The following TYW1 variants were observed in gnomAD, a reference collection of about 807,000 sequenced individuals.
TYW1 encodes the protein S-adenosyl-L-methionine-dependent tRNA 4-demethylwyosine synthase TYW1.
A neutral mutation model predicts 96.2 loss-of-function variants in TYW1; 46 were observed. The observed-to-expected ratio is 0.48, with a 90% CI of 0.38 to 0.61. The LOEUF is 0.61. TYW1 is among the 20% of genes least tolerant of loss of function. The probability of loss-of-function intolerance (pLI) is 0.00; values close to 1 mark genes in which losing one functional copy is unlikely to be tolerated. For synonymous variants in TYW1, 274 were observed against 323.0 expected (o/e 0.85, Z 1.63); for missense variants, 684 against 909.6 (o/e 0.75, Z 3.19).
intron 6 of TYW1, among the ~76,000 whole-genome samples, chr7:67,024,270 T>C (rs1363047993): frequency 6.6e-6 from 1 of 152,160 alleles, no homozygotes; most frequent in African/African-American, 2.4e-5. Flanking sequence ...CTTCAAGTGA[T>C]GCTCCTGCGT....
chr7:67,018,172 G>C (rs556928021), intron 6 of TYW1, 29 bp downstream of exon 6: 1 of 1,596,922 alleles, frequency 6.3e-7, no homozygotes, highest in African/African-American at 1.3e-5. Context: ...CATCTCTCGA[G>C]GCTTTCCTCT....
intron 10 of TYW1, among the ~76,000 whole-genome samples, chr7:67,073,941 G>T (rs577327213): frequency 6.6e-6 from 1 of 151,304 alleles, no homozygotes; most frequent in East Asian, 1.9e-4. Flanking sequence ...CATTAGCCGG[G>T]CGTGGTGGCG....
intron 11 of TYW1, among the ~76,000 whole-genome samples, chr7:67,088,431 G>A (rs1796613820): frequency 6.6e-6 from 1 of 152,162 alleles, no homozygotes; most frequent in Admixed American, 6.5e-5. Flanking sequence ...AAAACTGGTG[G>A]TAGTCTGTAA....
chr7:67,122,169 A>C (rs1797779052), intron 13 of TYW1, among the ~76,000 whole-genome samples: 1 of 142,338 alleles, frequency 7.0e-6, no homozygotes, highest in Admixed American at 6.9e-5. Flanking sequence ...AAGTAATAGC[A>C]TTAACATTCT....
chr7:67,188,599 T>C lies in TYW1; in HGVS notation c.1809+5363T>C, dbSNP rs189315161. 5.2e-3 allele frequency among the ~76,000 whole-genome samples: 788 copies of C among 152,186 alleles called. 5 individuals carry two copies. The highest frequency in any genetic ancestry group is 0.018 in the African/African-American group (743 of 41,522). On this transcript the variant is annotated intron_variant, in intron 14 of 15. Transcript: ENST00000359626. ...GTTTAAAGGACAGAAGACTAGGCCC[T>C]TTCACCTTCAATGAAAGGATGGATT...
intron 13 of TYW1, among the ~76,000 whole-genome samples, chr7:67,164,897 A>T (rs990792418): frequency 3.9e-5 from 6 of 151,990 alleles, no homozygotes; most frequent in Admixed American, 3.9e-4. Context: ...TCGTTATTAT[A>T]AAGCTAGAAT....
At chr7:67,190,550 G>T (rs1800174931) in intron 14 of TYW1, among the ~76,000 whole-genome samples, 1 of 152,192 alleles carries the variant, frequency 6.6e-6, no homozygotes, top group African/African-American at 2.4e-5. Context: ...GAAATGATGG[G>T]TCACTTTAGC....
intron 12 of TYW1, among the ~76,000 whole-genome samples, chr7:67,104,585 T>G (rs1277298673): frequency 1.5e-5 from 2 of 132,436 alleles, no homozygotes; most frequent in Non-Finnish European, 3.2e-5. Context: ...ATCAGACTCT[T>G]TCTGACAGTT....
chr7:67,044,410 A>T (rs1795124905), intron 7 of TYW1, among the ~76,000 whole-genome samples: 2 of 151,576 alleles, frequency 1.3e-5, no homozygotes, highest in African/African-American at 4.8e-5. Flanking sequence ...AGTTTTTAAT[A>T]TTGAAAGTTA....
intron 10 of TYW1, among the ~76,000 whole-genome samples, chr7:67,067,908 G>A (rs1303866644): frequency 6.6e-6 from 1 of 152,052 alleles, no homozygotes; most frequent in Non-Finnish European, 1.5e-5. Flanking sequence ...GCAGAATTGA[G>A]TCTTTTACAA....
At chr7:67,086,076 T>C (rs1372423458) in intron 11 of TYW1, among the ~76,000 whole-genome samples, 1 of 152,222 alleles carries the variant, frequency 6.6e-6, no homozygotes, top group Non-Finnish European at 1.5e-5. Flanking sequence ...GGCTGACTTT[T>C]TTTTGTACAT....
In TYW1 at chr7:67,073,814, T is replaced by G. The variant is rs1409926851; in HGVS notation, c.1274+6411T>G. Among the ~76,000 whole-genome samples the G allele has an allele frequency of 3.8e-5, 5 of 132,396 alleles. No individual in the cohort carries two copies. In the South Asian group the frequency reaches 7.3e-4, roughly 19 times the overall value. 86.9% of individuals were successfully genotyped at this position (132,396 alleles called of 152,430 possible). ...AAAAAGAAATATGGCCAGGCGCGGT[T>G]GCTCACGCCCATAATCCCAGCACTT... is the stretch of plus-strand genomic sequence containing the variant. On this transcript the variant is annotated intron_variant, in intron 10 of 15. Coordinates refer to ENST00000359626, the MANE Select transcript of TYW1 (RefSeq NM_018264.4).
chr7:67,195,565 T>C (rs1563066107), intron 15 of TYW1, among the ~76,000 whole-genome samples: 1 of 152,158 alleles, frequency 6.6e-6, no homozygotes, highest in Non-Finnish European at 1.5e-5. Flanking sequence ...TGAAGTACTT[T>C]CTGGTTTGCA....
chr7:67,054,667 T>C (rs1419357576), intron 8 of TYW1, among the ~76,000 whole-genome samples: 1 of 151,878 alleles, frequency 6.6e-6, no homozygotes, highest in African/African-American at 2.4e-5. Flanking sequence ...GATCCACTTA[T>C]GCTGTCATCC....
At chr7:67,056,963 C>T (rs576504645) in intron 9 of TYW1, among the ~76,000 whole-genome samples, 2 of 151,032 alleles carry the variant, frequency 1.3e-5, no homozygotes, top group Admixed American at 6.6e-5. Flanking sequence ...TAATTTTAGG[C>T]ATTTTCATGG....
At chr7:67,044,382 G>A (rs1269976357) in intron 7 of TYW1, among the ~76,000 whole-genome samples, 3 of 152,108 alleles carry the variant, frequency 2.0e-5, no homozygotes, top group Non-Finnish European at 4.4e-5. Context: ...ACAGGTGTGA[G>A]CCACCACGTC....
At chr7:67,160,211 G>A (rs1204864595) in intron 13 of TYW1, among the ~76,000 whole-genome samples, 1 of 152,116 alleles carries the variant, frequency 6.6e-6, no homozygotes, top group Non-Finnish European at 1.5e-5. Context: ...GCAGTGAGCT[G>A]TGATTGCACC....
At chr7:67,200,100 A>G (rs777286052) in intron 15 of TYW1, among the ~76,000 whole-genome samples, 12 of 152,246 alleles carry the variant, frequency 7.9e-5, no homozygotes, top group Admixed American at 1.3e-4. Context: ...AAAATGACTG[A>G]AAATCAGTGT....
At chr7:67,124,315 T>C (rs1797852306) in intron 13 of TYW1, among the ~76,000 whole-genome samples, 2 of 152,178 alleles carry the variant, frequency 1.3e-5, no homozygotes, top group African/African-American at 4.8e-5. Context: ...CCCAAGCTGG[T>C]CTTGAACTCC....
Sources: allele counts gnomAD v4.1 joint callset (sites outside exome capture counted in the v4.1 genomes callset), GRCh38; gene constraint gnomAD v4.1.1; transcripts MANE v1.5; gene names NCBI Gene and HGNC (gene_info 2026-07-23, HGNC 2026-07-21).